TRABD: variants seen among roughly 807,000 people sequenced by gnomAD.
TRABD encodes the protein TraB domain containing, also known as traB domain-containing protein.
A neutral mutation model predicts 39.6 loss-of-function variants in TRABD; 23 were observed. The observed-to-expected ratio is 0.58, with a 90% confidence interval of 0.42 to 0.82. The LOEUF (loss-of-function observed/expected upper bound fraction) is 0.82, where lower values mean the gene tolerates loss of function less well. Ranked by LOEUF, TRABD falls within the 40% of genes least tolerant of loss-of-function variation. The probability of loss-of-function intolerance (pLI) is 0.00; values close to 1 mark genes in which losing one functional copy is unlikely to be tolerated. For missense variants in TRABD, 487 were observed against 544.9 expected (o/e 0.89, Z 1.06); for synonymous variants, 243 against 232.1 (o/e 1.05, Z -0.43).
chr22:50,191,235 G>A (rs906082357), intron 1 of TRABD, among the ~76,000 whole-genome samples: 4 of 152,126 alleles, frequency 2.6e-5, no homozygotes, highest in Admixed American at 2.0e-4. Context: ...GCTTCAGATG[G>A]GGCCTCTGGT....
At chr22:50,192,440 C>T (rs1412173166) in intron 1 of TRABD, 1 of 152,406 alleles carries the variant, frequency 6.6e-6, no homozygotes, top group Non-Finnish European at 1.5e-5. Flanking sequence ...CCCAGCCTGT[C>T]CGGGTTTCTA....
At position 50,199,047 on chromosome 22, in the gene TRABD, T is replaced by C; in HGVS notation, c.*528T>C. The C allele has an allele frequency of 1.4e-6, 1 of 707,252 alleles. No homozygotes were observed. The highest frequency in any genetic ancestry group is 2.0e-5 in the Admixed American group (1 of 49,274). 43.8% of individuals were successfully genotyped at this position (707,252 alleles called of 1,614,324 possible). A position where few individuals can be genotyped will look rare whatever the true frequency, so the allele number is the denominator to read the frequency against. The stretch of plus-strand genomic sequence containing the variant: ...CGCCACCTCCCTGGCACCGTCTGCC[T>C]GCAGGGATTCTGTGTTTTTGGCTTT... On this transcript the variant is annotated 3_prime_UTR_variant, in exon 10 of 10. Coordinates refer to ENST00000380909, the MANE Select transcript of TRABD (RefSeq NM_001320485.2).
Position 50,197,938 on chromosome 22 carries a change from C to A in TRABD, c.787C>A (p.Leu263Ile). The A allele has an allele frequency of 6.2e-7, 1 of 1,613,072 alleles. No homozygotes were observed. The highest frequency in any genetic ancestry group is 8.5e-7 in the Non-Finnish European group (1 of 1,179,958). Reference sequence around the variant, plus strand: ...CATCGTCTCGGAGCGCGACGTCTACCTAACCTACATGCTGCGCCAGGCCGC... The same window carrying A: ...CATCGTCTCGGAGCGCGACGTCTACATAACCTACATGCTGCGCCAGGCCGC... ...RTIVSERDVY[L>I]TYMLRQAARR... The change falls in exon 8 of 10, where the codon CTA becomes ATA. Residue 263 changes from leucine to isoleucine, a missense_variant. This residue lies in a region of TRABD where 358 missense variants were observed against 414.7 expected (regional missense o/e 0.86). Coordinates refer to ENST00000380909, the MANE Select transcript of TRABD (RefSeq NM_001320485.2).
At chr22:50,191,507 T>C (rs2063906971) in intron 1 of TRABD, among the ~76,000 whole-genome samples, 1 of 152,120 alleles carries the variant, frequency 6.6e-6, no homozygotes, top group South Asian at 2.1e-4. Flanking sequence ...GTCTTATTGC[T>C]CATTGTTCCT....
chr22:50,190,098 GTGTT>G (rs1209205186), intron 1 of TRABD, among the ~76,000 whole-genome samples: 1 of 152,222 alleles, frequency 6.6e-6, no homozygotes, highest in Non-Finnish European at 1.5e-5. Context: ...GGGAAAGAGA[GTGTT>G]GAGACTGTAA....
intron 5 of TRABD, among the ~76,000 whole-genome samples, chr22:50,196,128 C>A (rs537785283): frequency 6.6e-6 from 1 of 152,170 alleles, no homozygotes; most frequent in Non-Finnish European, 1.5e-5. Context: ...ACCAGGTGTC[C>A]GCTTCACCTG....
intron 5 of TRABD, among the ~76,000 whole-genome samples, chr22:50,196,244 G>T (rs2064100153): frequency 6.6e-6 from 1 of 152,200 alleles, no homozygotes; most frequent in South Asian, 2.1e-4. Flanking sequence ...GGTGGAGTGG[G>T]TCCCAGTGGA....
chr22:50,187,238 G>C (rs1347309856), intron 1 of TRABD, among the ~76,000 whole-genome samples: 4 of 152,246 alleles, frequency 2.6e-5, no homozygotes, highest in Non-Finnish European at 5.9e-5. Context: ...ACCAGGTCCT[G>C]GGAGGTTGGG....
intron 1 of TRABD, among the ~76,000 whole-genome samples, chr22:50,187,392 A>G (rs1288309432): frequency 1.3e-5 from 2 of 152,246 alleles, no homozygotes; most frequent in African/African-American, 2.4e-5. Flanking sequence ...CATCAGAAAC[A>G]GGAAGCAGGG....
Position 50,194,465 on chromosome 22 carries a change from A to T in TRABD, c.238A>T (p.Thr80Ser). 1 of 1,607,894 alleles carries T rather than the reference A, an allele frequency of 6.2e-7. No homozygotes were observed. The highest frequency in any genetic ancestry group is 8.5e-7 in the Non-Finnish European group (1 of 1,177,530). The change falls in exon 4 of 10, where the codon ACA (threonine) becomes TCA (serine). Residue 80 changes from threonine to serine, a missense_variant. Physicochemically the swap from Thr to Ser is moderately conservative, Grantham distance 58. Around this residue, in one of 3 missense-constraint regions of TRABD, gnomAD observed 358 missense variants for 414.7 expected, o/e 0.86. Transcript: ENST00000380909. ...CGGGAGCAGGGTGTACGTGGTGGGG[A>T]CAGCCCACTTCAGCGACGACAGCAA... is the stretch of plus-strand genomic sequence containing the variant. ...EDGSRVYVVG[T>S]AHFSDDSKRD...
At chr22:50,193,473 G>T (rs2063981961) in intron 2 of TRABD, 103 bp from the exon 3 acceptor site, 2 of 1,128,634 alleles carry the variant, frequency 1.8e-6, no homozygotes. Flanking sequence ...CCACACAGCG[G>T]CCACGGGTCC....
chr22:50,194,915 C>T lies in TRABD; in HGVS notation c.295C>T (p.Gln99Ter), dbSNP rs1206803849. The change falls in exon 5 of 10, where the codon CAG becomes TAG. Residue 99 changes from glutamine to a stop codon, truncating the protein, a stop_gained. Coordinates refer to ENST00000380909, the MANE Select transcript of TRABD (RefSeq NM_001320485.2). LOFTEE classifies it high-confidence loss of function. ...GCTGTTGCAGACCATCCGGGAGGTG[C>T]AGCCTGACGTGGTGGTCGTGGAGCT... ...RDVVKTIREV[Q>*]PDVVVVELCQ... 2 of 1,612,654 alleles carry T rather than the reference C, an allele frequency of 1.2e-6. No homozygotes were observed.
In TRABD at chr22:50,198,641, C is replaced by A; in HGVS notation, c.*122C>A. The stretch of plus-strand genomic sequence containing the variant: ...ACCCCCCATGGGGGTCTGGGCCCGG[C>A]CTCGCCTGCCCTCCTGGGCCAGTCA... On this transcript the variant is annotated 3_prime_UTR_variant, in exon 10 of 10. Coordinates refer to ENST00000380909, the MANE Select transcript of TRABD (RefSeq NM_001320485.2). This position sits in a 1 kb window ranked among gnomAD's most constrained non-coding sequence, Gnocchi z 7.9. The A allele has an allele frequency of 1.0e-6, 1 of 979,738 alleles. No homozygotes were observed. Among genetic ancestry groups the A allele is most frequent in the Non-Finnish European group, 1.4e-6 (1 of 698,240 alleles). 60.7% of individuals were successfully genotyped at this position (979,738 alleles called of 1,614,324 possible).
chr22:50,197,427 C>T, intron 6 of TRABD, 22 bp from the exon 7 acceptor site: 3 of 1,613,336 alleles, frequency 1.9e-6, no homozygotes, highest in Non-Finnish European at 2.5e-6. Context: ...CACTGCTCCC[C>T]AACACCCAGC....
chr22:50,190,389 C>G (rs983746954), intron 1 of TRABD, among the ~76,000 whole-genome samples: 6 of 152,194 alleles, frequency 3.9e-5, no homozygotes. Flanking sequence ...GCTGCTGCAC[C>G]GAGACCCTGC....
In TRABD at chr22:50,193,671, G is replaced by T. The variant is rs780951012; in HGVS notation, c.112+17G>T. 9.3e-6 allele frequency: 15 copies of T among 1,611,168 alleles called. No homozygotes were observed. The highest frequency in any genetic ancestry group is 3.3e-5 in the Admixed American group (2 of 59,982). On this transcript the variant is annotated intron_variant, in intron 3 of 9. Transcript: ENST00000380909. The stretch of plus-strand genomic sequence containing the variant: ...AGAACCTGTGTACGTGTCCCTCAGG[G>T]TCCTGGCACGTTCCCCGGTGTTGGG...
Position 50,197,327 on chromosome 22 carries a change from C to T in TRABD, c.507C>T (p.Gly169=). Residue 169 remains glycine, a synonymous_variant, in exon 6 of 10, where the codon GGC becomes GGT. Coordinates refer to ENST00000380909, the MANE Select transcript of TRABD (RefSeq NM_001320485.2). ...AGCAGCTGGGCATGGCCCCAGGTGG[C>T]GAGTTCAGGGAGGCCTTCAAGGAGG... ...ITEQLGMAPG[G]EFREAFKEAS... is the part of the protein sequence containing the mutation. 8.1e-6 allele frequency: 13 copies of T among 1,613,794 alleles called. No homozygotes were observed. Among genetic ancestry groups the T allele is most frequent in the South Asian group, 1.1e-5 (1 of 91,070 alleles).
intron 5 of TRABD, chr22:50,196,836 A>G: frequency 6.1e-6 from 1 of 163,912 alleles, no homozygotes. Flanking sequence ...CTGGGATTAC[A>G]GGCACCCGCC....
At chr22:50,187,904 C>T (rs971092022) in intron 1 of TRABD, among the ~76,000 whole-genome samples, 9 of 148,682 alleles carry the variant, frequency 6.1e-5, no homozygotes, top group Admixed American at 3.3e-4. Context: ...GGCGTGAACC[C>T]GGGAGGCAGA....
Sources: allele counts gnomAD v4.1 joint callset (sites outside exome capture counted in the v4.1 genomes callset), GRCh38; gene constraint gnomAD v4.1.1; regional missense constraint gnomAD v4.1.1; non-coding constraint Gnocchi (gnomAD v3.1); transcripts MANE v1.5; gene names NCBI Gene and HGNC (gene_info 2026-07-23, HGNC 2026-07-21).